The following MANBAL variants were observed in gnomAD, a reference collection of about 807,000 sequenced individuals.
MANBAL encodes protein MANBAL.
Under a neutral mutation model 6.4 loss-of-function variants are expected in MANBAL, and 1 was observed. That is an observed-to-expected ratio of 0.16 (90% CI 0.06 to 0.74). The LOEUF (loss-of-function observed/expected upper bound fraction) is 0.74. Among genes scored for constraint, MANBAL ranks in the 30% least tolerant of loss-of-function variants. MANBAL has a pLI of 0.78. For missense variants in MANBAL, 100 were observed against 107.8 expected (o/e 0.93, Z 0.32); for synonymous variants, 47 against 45.8 (o/e 1.03, Z -0.10).
At chr20:37,294,656 T>G (rs2068951058) in intron 1 of MANBAL, among the ~76,000 whole-genome samples, 1 of 152,244 alleles carries the variant, frequency 6.6e-6, no homozygotes, top group South Asian at 2.1e-4. Context: ...CTTTCTTCTT[T>G]CCTCTGTTGA....
At chr20:37,303,717 A>G (rs1040871313) in intron 2 of MANBAL, among the ~76,000 whole-genome samples, 1 of 152,202 alleles carries the variant, frequency 6.6e-6, no homozygotes, top group Non-Finnish European at 1.5e-5. Flanking sequence ...GTGCTCTCCC[A>G]TTGGATACCC....
At chr20:37,307,643 G>C (rs1226457101) in intron 2 of MANBAL, among the ~76,000 whole-genome samples, 1 of 151,948 alleles carries the variant, frequency 6.6e-6, no homozygotes, top group Non-Finnish European at 1.5e-5. Flanking sequence ...TATAATCCCA[G>C]TTGCTAGAGA....
intron 2 of MANBAL, 38 bp from the exon 3 acceptor site, chr20:37,316,270 T>A: frequency 6.3e-7 from 1 of 1,575,792 alleles, no homozygotes; most frequent in Non-Finnish European, 8.7e-7. Flanking sequence ...TCAGGCTTGA[T>A]CCATCTAAGC....
At chr20:37,293,562 G>C (rs1211448722) in intron 1 of MANBAL, among the ~76,000 whole-genome samples, 2 of 152,178 alleles carry the variant, frequency 1.3e-5, no homozygotes, top group South Asian at 2.1e-4. Flanking sequence ...TTCCTAACAG[G>C]CCATGGACTG....
intron 1 of MANBAL, chr20:37,297,231 G>A (rs1027256269): frequency 3.3e-5 from 5 of 152,162 alleles, no homozygotes; most frequent in African/African-American, 7.2e-5. Context: ...GCCACCCCAA[G>A]TAATCTGCTT....
At chr20:37,293,787 G>A (rs561099126) in intron 1 of MANBAL, among the ~76,000 whole-genome samples, 2 of 152,184 alleles carry the variant, frequency 1.3e-5, no homozygotes, top group East Asian at 1.9e-4. Flanking sequence ...CAGTGTGTAC[G>A]TGCAGTTCCT....
At chr20:37,306,006 G>A (rs1325103210) in intron 2 of MANBAL, among the ~76,000 whole-genome samples, 1 of 152,074 alleles carries the variant, frequency 6.6e-6, no homozygotes, top group Non-Finnish European at 1.5e-5. Flanking sequence ...ACATGGGGAC[G>A]GGGTACTCTT....
intron 2 of MANBAL, among the ~76,000 whole-genome samples, chr20:37,305,473 T>C (rs982648839): frequency 6.6e-6 from 1 of 152,162 alleles, no homozygotes; most frequent in Non-Finnish European, 1.5e-5. Context: ...TTAAAGTCTT[T>C]TGAGGCAGGG....
At chr20:37,291,502 A>G (rs2068869288) in intron 1 of MANBAL, among the ~76,000 whole-genome samples, 2 of 152,214 alleles carry the variant, frequency 1.3e-5, no homozygotes, top group African/African-American at 2.4e-5. Context: ...TTTTGAAGAT[A>G]GTACTGACTG....
At chr20:37,299,057 G>T (rs1396081875) in intron 1 of MANBAL, among the ~76,000 whole-genome samples, 2 of 124,228 alleles carry the variant, frequency 1.6e-5, no homozygotes, top group Non-Finnish European at 3.4e-5. Flanking sequence ...TTTTTTACGT[G>T]TATTTTTTGG....
intron 2 of MANBAL, among the ~76,000 whole-genome samples, chr20:37,306,174 C>T (rs761175213): frequency 2.2e-4 from 34 of 152,232 alleles, no homozygotes; most frequent in Admixed American, 1.8e-3. Context: ...CCCTCTTTGC[C>T]GTTTTGCTCA....
chr20:37,308,980 T>A (rs1170385407), intron 2 of MANBAL, among the ~76,000 whole-genome samples: 1 of 152,210 alleles, frequency 6.6e-6, no homozygotes, highest in Non-Finnish European at 1.5e-5. Context: ...TCACTTCTAC[T>A]CTGCCATGTT....
At chr20:37,292,973 A>G (rs1053544471) in intron 1 of MANBAL, among the ~76,000 whole-genome samples, 16 of 152,180 alleles carry the variant, frequency 1.1e-4, no homozygotes, top group African/African-American at 3.9e-4. Context: ...ACATACGTAT[A>G]TATGCACAGA....
intron 2 of MANBAL, among the ~76,000 whole-genome samples, chr20:37,306,148 C>G (rs908062871): frequency 6.6e-6 from 1 of 152,016 alleles, no homozygotes; most frequent in African/African-American, 2.4e-5. Flanking sequence ...GTGGGAGGAC[C>G]CAGAGAACAG....
chr20:37,314,884 G>A (rs1425616203), intron 2 of MANBAL, among the ~76,000 whole-genome samples: 1 of 152,244 alleles, frequency 6.6e-6, no homozygotes, highest in African/African-American at 2.4e-5. Context: ...TGAGGCTTGG[G>A]CCACGGGCCA....
chr20:37,294,584 G>A (rs2068949215), intron 1 of MANBAL, among the ~76,000 whole-genome samples: 1 of 152,230 alleles, frequency 6.6e-6, no homozygotes, highest in Non-Finnish European at 1.5e-5. Context: ...TCAGGGACTT[G>A]GCCCTTGCCG....
intron 2 of MANBAL, chr20:37,302,457 A>G: frequency 2.7e-6 from 3 of 1,098,348 alleles, no homozygotes; most frequent in South Asian, 1.6e-5. Context: ...TGATCCCTCC[A>G]TTATAAAAAT....
chr20:37,296,694 A>T (rs1227619119), intron 1 of MANBAL, among the ~76,000 whole-genome samples: 2 of 152,142 alleles, frequency 1.3e-5, no homozygotes, highest in East Asian at 3.8e-4. Flanking sequence ...CCTTACTATA[A>T]ATTCTAGGAA....
At chr20:37,311,843 G>A (rs1320795308) in intron 2 of MANBAL, among the ~76,000 whole-genome samples, 1 of 152,164 alleles carries the variant, frequency 6.6e-6, no homozygotes, top group African/African-American at 2.4e-5. Flanking sequence ...AAACTCTGAC[G>A]AGCATGGGGA....
Sources: allele counts gnomAD v4.1 joint callset (sites outside exome capture counted in the v4.1 genomes callset), GRCh38; gene constraint gnomAD v4.1.1; transcripts MANE v1.5; gene names NCBI Gene and HGNC (gene_info 2026-07-23, HGNC 2026-07-21).